KIF17: variants seen among roughly 807,000 people sequenced by gnomAD.
The protein encoded by KIF17 is kinesin-like protein KIF17.
KIF17 carries 80 observed loss-of-function variants against 96.8 expected under a neutral mutation model. The observed-to-expected ratio is 0.83, with a 90% confidence interval of 0.69 to 1.00. KIF17 has a LOEUF of 1.00. Ranked by LOEUF, KIF17 falls within the 50% of genes least tolerant of loss-of-function variation. The pLI is 0.00. For synonymous variants in KIF17, 567 were observed against 587.5 expected, an observed-to-expected ratio of 0.97 and a Z score of 0.51; for missense variants, 1,280 against 1,372.9, an observed-to-expected ratio of 0.93 and a Z score of 1.07.
Position 20,704,538 on chromosome 1 carries a change from G to T in KIF17, c.1032C>A (p.Asp344Glu). The change falls in exon 5 of 15, where the codon GAC becomes GAA. Residue 344 changes from aspartate to glutamate, a missense_variant. Coordinates refer to ENST00000400463, the MANE Select transcript of KIF17 (RefSeq NM_001122819.3). The surrounding 1 kb of genome is among the most constrained non-coding windows in gnomAD (Gnocchi z 6.8). Reference protein sequence around the residue: ...NIRNKPRINEDPKDALLREYQ... With the variant: ...NIRNKPRINEEPKDALLREYQ... Reference sequence around the variant, plus strand: ...ACTCGCGAAGCAGCGCATCCTTGGGGTCCTCATTGATGCGCGGCTTGTTCC... The same window carrying T: ...ACTCGCGAAGCAGCGCATCCTTGGGTTCCTCATTGATGCGCGGCTTGTTCC... 6.2e-7 allele frequency: 1 copy of T among 1,614,212 alleles called. No homozygotes were observed. The highest frequency in any genetic ancestry group is 8.5e-7 in the Non-Finnish European group (1 of 1,180,030).
intron 13 of KIF17, among the ~76,000 whole-genome samples, chr1:20,668,170 C>T (rs560701032): frequency 6.5e-4 from 99 of 152,042 alleles, no homozygotes; most frequent in Middle Eastern, 6.8e-3. Context: ...ATTAGCCGGG[C>T]ATGGTGGCAG....
intron 6 of KIF17, among the ~76,000 whole-genome samples, chr1:20,692,534 G>T (rs1222005522): frequency 1.3e-5 from 2 of 152,138 alleles, no homozygotes; most frequent in South Asian, 2.1e-4. Context: ...TTTTGGCAGA[G>T]ATGGGGTTTC....
At chr1:20,691,174 A>C (rs1381110464) in intron 6 of KIF17, among the ~76,000 whole-genome samples, 1 of 151,650 alleles carries the variant, frequency 6.6e-6, no homozygotes, top group Non-Finnish European at 1.5e-5. Context: ...GCTTGCCTGT[A>C]ATCTGTTACT....
chr1:20,670,819 A>G (rs2053635867), intron 12 of KIF17, among the ~76,000 whole-genome samples: 1 of 152,124 alleles, frequency 6.6e-6, no homozygotes, highest in African/African-American at 2.4e-5. Flanking sequence ...GTCAATAAAC[A>G]TCAGAGATGT....
Position 20,685,420 on chromosome 1 carries a change from T to C in KIF17, c.2020-400A>G. The stretch of plus-strand genomic sequence containing the variant: ...GGCCTCCCCCGCCACCGTGGCCTCC[T>C]TTTCCATTGCTAAGAAAGTCAAGGT... On this transcript the variant is annotated intron_variant, in intron 9 of 14. Transcript: ENST00000400463. The surrounding 1 kb of genome is among the most constrained non-coding windows in gnomAD (Gnocchi z 4.1). 2.6e-6 allele frequency: 1 copy of C among 387,662 alleles called. No individual in the cohort carries two copies. Among genetic ancestry groups the C allele is most frequent in the South Asian group, 2.0e-5 (1 of 49,206 alleles). 24.0% of individuals were successfully genotyped at this position (387,662 alleles called of 1,614,324 possible). A position where few individuals can be genotyped will look rare whatever the true frequency, so the allele number is the denominator to read the frequency against.
At chr1:20,701,515 C>G (rs1035950150) in intron 5 of KIF17, among the ~76,000 whole-genome samples, 1 of 152,134 alleles carries the variant, frequency 6.6e-6, no homozygotes, top group Non-Finnish European at 1.5e-5. Flanking sequence ...GTGATAACAC[C>G]AGGGACCCAG....
intron 6 of KIF17, among the ~76,000 whole-genome samples, chr1:20,690,836 G>A (rs1336638588): frequency 2.6e-5 from 4 of 151,700 alleles, no homozygotes; most frequent in South Asian, 2.1e-4. Flanking sequence ...ACAAGCATCC[G>A]CCACCACGCT....
chr1:20,687,474 CG>C lies in KIF17; in HGVS notation c.1851del (p.Glu618ArgfsTer58). 1.2e-6 allele frequency: 2 copies of C among 1,613,934 alleles called. No individual in the cohort carries two copies. The highest frequency in any genetic ancestry group is 1.7e-6 in the Non-Finnish European group (2 of 1,179,966). ...QGLLGLQDPF[A>X]EVEAKLARLS... is the part of the protein sequence containing the mutation. ...AGTCTGGCCAGCTTGGCTTCCACCT[CG>C]GCAAACGGGTCCTGCAGGCCTAGTA... On this transcript the variant is annotated frameshift_variant, in exon 8 of 15. Transcript: ENST00000400463. LOFTEE classifies it high-confidence loss of function. The surrounding 1 kb of genome is among the most constrained non-coding windows in gnomAD (Gnocchi z 4.4).
intron 7 of KIF17, among the ~76,000 whole-genome samples, chr1:20,689,943 G>A (rs952850697): frequency 1.3e-5 from 2 of 152,130 alleles, no homozygotes; most frequent in African/African-American, 4.8e-5. Context: ...AGACTGCTTG[G>A]GTTCAAATCC....
chr1:20,716,241 C>CAAAAA (rs71585780), intron 1 of KIF17, among the ~76,000 whole-genome samples: 2 of 111,758 alleles, frequency 1.8e-5, no homozygotes, highest in African/African-American at 3.5e-5. Flanking sequence ...GACTCCGTCT[C>CAAAAA]AAAAAAAAAA....
chr1:20,685,088 T>A lies in KIF17; in HGVS notation c.2020-68A>T. On this transcript the variant is annotated intron_variant, in intron 9 of 14. Coordinates refer to ENST00000400463, the MANE Select transcript of KIF17 (RefSeq NM_001122819.3). This position sits in a 1 kb window ranked among gnomAD's most constrained non-coding sequence, Gnocchi z 4.1. ...CCAACCCCCGCCGACAGCTCCCAGG[T>A]GGCTCAATCCCAGACGGGGCCATTC... 7.5e-7 allele frequency: 1 copy of A among 1,333,964 alleles called. No individual in the cohort carries two copies. The highest frequency in any genetic ancestry group is 1.1e-6 in the Non-Finnish European group (1 of 949,142). 82.6% of individuals were successfully genotyped at this position (1,333,964 alleles called of 1,614,324 possible). A position where few individuals can be genotyped will look rare whatever the true frequency, so the allele number is the denominator to read the frequency against.
chr1:20,714,702 CAGG>C (rs1364631461), intron 2 of KIF17, among the ~76,000 whole-genome samples: 1 of 146,946 alleles, frequency 6.8e-6, no homozygotes. Context: ...GAAGCTGAGG[CAGG>C]AGAATTGCTT....
At chr1:20,697,331 G>A (rs917127927) in intron 6 of KIF17, among the ~76,000 whole-genome samples, 8 of 152,220 alleles carry the variant, frequency 5.3e-5, no homozygotes, top group Non-Finnish European at 1.0e-4. Flanking sequence ...TATCAGGCCC[G>A]GCACAGTGGC....
Position 20,690,198 on chromosome 1 carries a change from C to A in KIF17, c.1371G>T (p.Arg457=). 2 of 1,614,172 alleles carry A rather than the reference C, an allele frequency of 1.2e-6. No individual in the cohort carries two copies. Among genetic ancestry groups the A allele is most frequent in the Non-Finnish European group, 1.7e-6 (2 of 1,180,052 alleles). The change falls in exon 7 of 15, where the codon CGG becomes CGT. Residue 457 remains arginine, a synonymous_variant. Transcript: ENST00000400463. ...GCAAGGGGTGCCCACCTGTCTCCTT[C>A]CGCAGGTTCTCCTCCAGCGTGGACA... ...VRLSTLEENL[R]KETEAVLQVG...
intron 11 of KIF17, among the ~76,000 whole-genome samples, chr1:20,682,421 G>A (rs1048906422): frequency 6.6e-6 from 1 of 152,252 alleles, no homozygotes; most frequent in African/African-American, 2.4e-5. Context: ...CTACTCGGGA[G>A]ACTGAGACAG....
chr1:20,686,141 G>C lies in KIF17; in HGVS notation c.1939-15C>G. On this transcript the variant is annotated splice_polypyrimidine_tract_variant and intron_variant, in intron 8 of 14. Transcript: ENST00000400463. ...GGCGCAGGGACCTGGGAGGAAAGAG[G>C]GGATGGAGGAGAAAGAAGGCTGATT... is the stretch of plus-strand genomic sequence containing the variant. 1.3e-6 allele frequency: 2 copies of C among 1,559,090 alleles called. No homozygotes were observed. Among genetic ancestry groups the C allele is most frequent in the Non-Finnish European group, 1.7e-6 (2 of 1,150,594 alleles).
chr1:20,704,509 T>C lies in KIF17; in HGVS notation c.1061A>G (p.Gln354Arg). The change falls in exon 5 of 15, where the codon CAG becomes CGG. Residue 354 changes from glutamine (Q) to arginine (R), a missense_variant. By Grantham distance (43) the Gln-to-Arg change is conservative. Coordinates refer to ENST00000400463, the MANE Select transcript of KIF17 (RefSeq NM_001122819.3). The surrounding 1 kb of genome is among the most constrained non-coding windows in gnomAD (Gnocchi z 6.8). ...DPKDALLREYQEEIKKLKAIL... is the reference protein window; with the variant it reads ...DPKDALLREYREEIKKLKAIL... Reference sequence around the variant, plus strand: ...GGCCTTGAGCTTCTTGATCTCCTCCTGGTACTCGCGAAGCAGCGCATCCTT... The same window carrying C: ...GGCCTTGAGCTTCTTGATCTCCTCCCGGTACTCGCGAAGCAGCGCATCCTT... The C allele has an allele frequency of 6.2e-7, 1 of 1,614,210 alleles. No individual in the cohort carries two copies.
chr1:20,662,716 G>C (rs1349402314), downstream of KIF17, among the ~76,000 whole-genome samples: 1 of 152,104 alleles, frequency 6.6e-6, no homozygotes, highest in East Asian at 1.9e-4. Context: ...CAGCAGCCTC[G>C]TCCCCTCTCA....
At chr1:20,695,881 T>C (rs748619623) in intron 6 of KIF17, among the ~76,000 whole-genome samples, 4 of 152,054 alleles carry the variant, frequency 2.6e-5, no homozygotes, top group Non-Finnish European at 5.9e-5. Flanking sequence ...CCGGCTAGAG[T>C]GTCCAGCACC....
Sources: allele counts gnomAD v4.1 joint callset (sites outside exome capture counted in the v4.1 genomes callset), GRCh38; gene constraint gnomAD v4.1.1; non-coding constraint Gnocchi (gnomAD v3.1); transcripts MANE v1.5; gene names NCBI Gene and HGNC (gene_info 2026-07-23, HGNC 2026-07-21).